The following DMD variants were observed in gnomAD, a reference collection of about 807,000 sequenced individuals.
DMD encodes dystrophin.
DMD carries 63 observed loss-of-function variants against 330.1 expected under a neutral mutation model. The observed-to-expected ratio is 0.19, with a 90% confidence interval of 0.16 to 0.24. The LOEUF (loss-of-function observed/expected upper bound fraction) is 0.24. DMD is among the 10% of genes least tolerant of loss of function. DMD has a pLI of 1.00. For missense variants in DMD, 3,344 were observed against 2,684.1 expected, an observed-to-expected ratio of 1.25 and a Z score of -5.43; for synonymous variants, 1,223 against 959.8, an observed-to-expected ratio of 1.27 and a Z score of -5.07.
intron 9 of DMD, among the ~76,000 whole-genome samples, chrX:32,647,785 A>G: frequency 8.9e-6 from 1 of 112,382 alleles, no homozygotes; most frequent in Middle Eastern, 4.7e-3. Context: ...ATTCCTCTGC[A>G]TATATAAGAA....
intron 43 of DMD, among the ~76,000 whole-genome samples, chrX:32,230,225 G>GTT (rs59115983): frequency 9.1e-6 from 1 of 109,755 alleles, no homozygotes; most frequent in Non-Finnish European, 1.9e-5. Flanking sequence ...AAGAAACATG[G>GTT]TTTTTTTTGT....
rs145009329 is a variant in DMD at position 33,275,072 on chromosome X, A to T, written c.7+64187T>A. ...GTCGTGTTGTGCTGTTTGTTTTCTA[A>T]GCAAAGGGCAGTCTCCTATCTCATG... is the stretch of plus-strand genomic sequence containing the variant. On this transcript the variant is annotated intron_variant, in intron 1 of 17. Coordinates refer to the DMD transcript ENST00000288447. 5.7e-3 allele frequency among the ~76,000 whole-genome samples: 639 copies of T among 111,949 alleles called. 3 individuals are homozygous for T. Among genetic ancestry groups the T allele is most frequent in the African/African-American group, 0.02 (622 of 30,827 alleles).
At chrX:33,026,102 G>A (rs1039683500) in intron 1 of DMD, among the ~76,000 whole-genome samples, 21 of 108,908 alleles carry the variant, frequency 1.9e-4, no homozygotes, top group Non-Finnish European at 1.1e-4. Flanking sequence ...TTGGGAGGCC[G>A]AGGTGGGCGG....
intron 1 of DMD, among the ~76,000 whole-genome samples, chrX:33,307,926 C>T (rs929445037): frequency 1.8e-5 from 2 of 111,745 alleles, no homozygotes; most frequent in Admixed American, 1.9e-4. Context: ...TCTGTACAGA[C>T]ACCAGTTTTT....
intron 7 of DMD, among the ~76,000 whole-genome samples, chrX:32,736,741 GA>G (rs1202019859): frequency 1.1e-5 from 1 of 92,716 alleles, no homozygotes; most frequent in Non-Finnish European, 2.1e-5. Context: ...ACAGGAAGGG[GA>G]ACACCACACT....
intron 2 of DMD, among the ~76,000 whole-genome samples, chrX:32,989,021 T>A (rs982068812): frequency 9.1e-6 from 1 of 110,355 alleles, no homozygotes; most frequent in Non-Finnish European, 1.9e-5. Context: ...AAAAAGAAAA[T>A]AATGAAGGGA....
chrX:31,242,225 C>A (rs1304495683), intron 63 of DMD, among the ~76,000 whole-genome samples: 1 of 88,342 alleles, frequency 1.1e-5, no homozygotes, highest in Non-Finnish European at 2.1e-5. Context: ...CACTGCACCC[C>A]AGCCTGGGCG....
intron 62 of DMD, among the ~76,000 whole-genome samples, chrX:31,302,183 T>C (rs1253065650): frequency 1.8e-5 from 2 of 111,722 alleles, no homozygotes; most frequent in Admixed American, 9.5e-5. Context: ...TCAGTATCTA[T>C]TACGCTATCT....
intron 18 of DMD, among the ~76,000 whole-genome samples, chrX:32,512,955 G>A (rs751627159): frequency 8.9e-6 from 1 of 111,876 alleles, no homozygotes; most frequent in Non-Finnish European, 1.9e-5. Context: ...TAGATGGCAG[G>A]AGGAATGCAG....
At chrX:33,248,374 CTT>C (rs1374522063) in intron 1 of DMD, among the ~76,000 whole-genome samples, 1 of 112,329 alleles carries the variant, frequency 8.9e-6, no homozygotes, top group South Asian at 3.6e-4. Flanking sequence ...AGAAAATTAA[CTT>C]TTAATTTTTC....
At chrX:33,201,153 A>G (rs958763670) in intron 1 of DMD, among the ~76,000 whole-genome samples, 1 of 110,462 alleles carries the variant, frequency 9.1e-6, no homozygotes, top group Non-Finnish European at 1.9e-5. Context: ...CTGGTCTGGA[A>G]TTCCTGACCT....
chrX:31,624,672 T>G (rs2078742940), intron 55 of DMD, among the ~76,000 whole-genome samples: 2 of 111,736 alleles, frequency 1.8e-5, no homozygotes, highest in African/African-American at 6.5e-5. Context: ...TTGGCAGAGC[T>G]GTTGCTTTGG....
chrX:31,191,702 AC>A (rs1392303722), intron 67 of DMD, among the ~76,000 whole-genome samples: 2 of 111,640 alleles, frequency 1.8e-5, no homozygotes, highest in African/African-American at 6.5e-5. Flanking sequence ...AAGTCCAATG[AC>A]CCTCTCTCTT....
chrX:32,385,724 T>C (rs2097953453), intron 33 of DMD, among the ~76,000 whole-genome samples: 1 of 110,491 alleles, frequency 9.1e-6, no homozygotes, highest in South Asian at 3.8e-4. Context: ...ATCAGGACAA[T>C]GATACAAAAA....
intron 44 of DMD, among the ~76,000 whole-genome samples, chrX:32,001,639 T>TTGTC (rs775389781): frequency 9.0e-6 from 1 of 111,333 alleles, no homozygotes; most frequent in Non-Finnish European, 1.9e-5. Context: ...TTCAACAACC[T>TTGTC]TGTCTTCAAT....
chrX:33,091,248 C>A (rs1240925035), intron 1 of DMD, among the ~76,000 whole-genome samples: 1 of 111,628 alleles, frequency 9.0e-6, no homozygotes, highest in Admixed American at 9.6e-5. Context: ...GTAAAGCAGA[C>A]ACACACTTCT....
At chrX:31,951,177 A>G (rs58255917) in intron 45 of DMD, among the ~76,000 whole-genome samples, 7,339 of 90,217 alleles carry the variant, frequency 0.081, 413 homozygotes, top group African/African-American at 0.094. Flanking sequence ...ATATATATGT[A>G]TATATATATA....
chrX:32,367,902 T>G (rs1461970478), intron 34 of DMD, among the ~76,000 whole-genome samples: 1 of 112,049 alleles, frequency 8.9e-6, no homozygotes, highest in Non-Finnish European at 1.9e-5. Flanking sequence ...CAGGACAATT[T>G]ACACTCTGTA....
chrX:31,231,343 G>C (rs1052779105), intron 63 of DMD, among the ~76,000 whole-genome samples: 1 of 110,635 alleles, frequency 9.0e-6, no homozygotes, highest in Admixed American at 9.6e-5. Flanking sequence ...TAACATATGT[G>C]TATTTAAATA....
Sources: allele counts gnomAD v4.1 joint callset (sites outside exome capture counted in the v4.1 genomes callset), GRCh38; gene constraint gnomAD v4.1.1; transcripts MANE v1.5; gene names NCBI Gene and HGNC (gene_info 2026-07-23, HGNC 2026-07-21).